The following TEKT1 variants were observed in gnomAD, a reference collection of about 807,000 sequenced individuals.
TEKT1 encodes the protein tektin 1.
A neutral mutation model predicts 34.8 loss-of-function variants in TEKT1; 32 were observed. The observed-to-expected ratio is 0.92, with a 90% CI of 0.69 to 1.23. The LOEUF is 1.23. TEKT1 is among the 50% of genes most tolerant of loss of function. The pLI, the probability that TEKT1 is intolerant of heterozygous loss-of-function variation, is 0.00. For synonymous variants in TEKT1, 207 were observed against 199.8 expected, an observed-to-expected ratio of 1.04 and a Z score of -0.30; for missense variants, 492 against 518.5, an observed-to-expected ratio of 0.95 and a Z score of 0.50.
intron 6 of TEKT1, among the ~76,000 whole-genome samples, chr17:6,802,650 A>G (rs1258616067): frequency 2.8e-5 from 3 of 108,032 alleles, no homozygotes; most frequent in East Asian, 3.2e-4. Flanking sequence ...ACCCCACAAC[A>G]GGCCCTGGTG....
chr17:6,826,678 G>C (rs1049211616), intron 2 of TEKT1, among the ~76,000 whole-genome samples: 9 of 150,846 alleles, frequency 6.0e-5, no homozygotes, highest in Admixed American at 4.6e-4. Flanking sequence ...ATAATACGAG[G>C]TAGGGGTTGG....
chr17:6,813,341 G>C (rs62061685), intron 5 of TEKT1, among the ~76,000 whole-genome samples: 4,081 of 135,732 alleles, frequency 0.03, 169 homozygotes, highest in African/African-American at 0.095. Context: ...ACTGAGCTCA[G>C]AAAAATGAAG....
At chr17:6,813,105 G>T (rs1976951950) in intron 5 of TEKT1, 52 bp from the exon 6 acceptor site, 2 of 1,517,648 alleles carry the variant, frequency 1.3e-6, no homozygotes, top group Non-Finnish European at 1.8e-6. Context: ...TGGGGAAGGG[G>T]GTTGGGAGAG....
At chr17:6,808,865 G>A (rs1356784730) in intron 6 of TEKT1, among the ~76,000 whole-genome samples, 1 of 152,060 alleles carries the variant, frequency 6.6e-6, no homozygotes, top group Non-Finnish European at 1.5e-5. Flanking sequence ...TACATAGATA[G>A]CAATACACTT....
chr17:6,812,747 G>A (rs1298468662), intron 6 of TEKT1, 84 bp downstream of exon 6: 30 of 1,322,204 alleles, frequency 2.3e-5, no homozygotes, highest in Middle Eastern at 2.6e-4. Context: ...GAAGTCTAGC[G>A]GTCTGGCCCA....
At chr17:6,820,976 A>G (rs1337164287) in intron 2 of TEKT1, among the ~76,000 whole-genome samples, 7 of 151,940 alleles carry the variant, frequency 4.6e-5, no homozygotes, top group Non-Finnish European at 8.8e-5. Context: ...ACTCTTTTTT[A>G]TTTGGAATTG....
intron 5 of TEKT1, among the ~76,000 whole-genome samples, chr17:6,813,946 T>TTCTC (rs71157224): frequency 0.11 from 16,181 of 145,814 alleles, 1,031 homozygotes; most frequent in Non-Finnish European, 0.15. Context: ...CTGTCATCCG[T>TTCTC]TCTCTCTCTC....
At chr17:6,813,102 G>A (rs1485703135) in intron 5 of TEKT1, 49 bp from the exon 6 acceptor site, 2 of 1,539,596 alleles carry the variant, frequency 1.3e-6, no homozygotes, top group East Asian at 2.3e-5. Flanking sequence ...GGGTGGGGAA[G>A]GGGGTTGGGA....
Position 6,812,908 on chromosome 17 carries a change from C to A in TEKT1, c.775G>T (p.Val259Leu). Reference protein sequence around the residue: ...TANDLRKQCDVVDTAFKNGLK... With the variant: ...TANDLRKQCDLVDTAFKNGLK... ...CCATTCTTGAATGCCGTGTCCACCA[C>A]ATCACACTGCTTGCGCAGATCATTG... The change falls in exon 6 of 8, where the codon GTG (valine) becomes TTG (leucine). Residue 259 changes from valine to leucine, a missense_variant. Val to Leu is a conservative substitution (Grantham distance 32). Coordinates refer to ENST00000338694, the MANE Select transcript of TEKT1 (RefSeq NM_053285.2). 16 of 1,614,220 alleles carry A rather than the reference C, an allele frequency of 9.9e-6. No individual in the cohort carries two copies. Among genetic ancestry groups the A allele is most frequent in the Non-Finnish European group, 1.4e-5 (16 of 1,180,042 alleles).
rs181118407 is a variant in TEKT1, at chr17:6,824,244, T to C, written c.191-4886A>G. On this transcript the variant is annotated intron_variant, in intron 2 of 7. Coordinates refer to ENST00000338694, the MANE Select transcript of TEKT1 (RefSeq NM_053285.2). Reference sequence around the variant, plus strand: ...CATGTGCCCTTTTCTTCTCTTTTGATACATTCTTTGGGTAGTCTAATCTAC... The same window carrying C: ...CATGTGCCCTTTTCTTCTCTTTTGACACATTCTTTGGGTAGTCTAATCTAC... Among the ~76,000 whole-genome samples the C allele has an allele frequency of 1.9e-3, 287 of 152,296 alleles. 1 individual carries two copies. Among genetic ancestry groups the C allele is most frequent in the African/African-American group, 6.4e-3 (264 of 41,556 alleles).
chr17:6,799,224 A>G lies in TEKT1; in HGVS notation c.*803T>C, dbSNP rs963766279. ...AAACAGTCTTGCTGAAAACTTGTAA[A>G]GAGGTACGTAACCATTAAAATAATT... On this transcript the variant is annotated 3_prime_UTR_variant, in exon 8 of 8. Coordinates refer to ENST00000338694, the MANE Select transcript of TEKT1 (RefSeq NM_053285.2). 2.6e-5 allele frequency: 4 copies of G among 152,262 alleles called. No homozygotes were observed. Among genetic ancestry groups the G allele is most frequent in the Admixed American group, 6.5e-5 (1 of 15,286 alleles). 9.4% of individuals were successfully genotyped at this position (152,262 alleles called of 1,614,324 possible).
chr17:6,820,576 A>G (rs1441815615), intron 2 of TEKT1, among the ~76,000 whole-genome samples: 2 of 152,094 alleles, frequency 1.3e-5, no homozygotes, highest in South Asian at 2.1e-4. Flanking sequence ...GTTTCTTTAT[A>G]TTATTAATTT....
chr17:6,823,447 C>T (rs1904318996), intron 2 of TEKT1, among the ~76,000 whole-genome samples: 1 of 152,172 alleles, frequency 6.6e-6, no homozygotes, highest in African/African-American at 2.4e-5. Context: ...TATGTGTGCA[C>T]ACGCATGTGC....
At position 6,827,048 on chromosome 17, in the gene TEKT1, TC is replaced by T. The variant is rs529813158; in HGVS notation, c.190+3138del. On this transcript the variant is annotated intron_variant, in intron 2 of 7. Coordinates refer to ENST00000338694, the MANE Select transcript of TEKT1 (RefSeq NM_053285.2). ...ATTGGGCAATTCATTGAAAAGGCTT[TC>T]TTTTGCCCATTACACTGTAGTGTTG... Among the ~76,000 whole-genome samples, 297 of 152,294 alleles carry T rather than the reference TC, an allele frequency of 2.0e-3. 1 individual carries two copies. Among genetic ancestry groups the T allele is most frequent in the African/African-American group, 6.8e-3 (282 of 41,566 alleles).
At position 6,800,201 on chromosome 17, in the gene TEKT1, C is replaced by G; in HGVS notation, c.1083G>C (p.Glu361Asp). ...GCTGTCTGCGATGCAGCCCTTTCAGCTCTGCCTGAGCTTGGGCTAAAGTTT... is the reference window on the plus strand; with the variant it reads ...GCTGTCTGCGATGCAGCCCTTTCAGGTCTGCCTGAGCTTGGGCTAAAGTTT... ...LKETLAQAQA[E>D]LKGLHRRQLA... Residue 361 changes from glutamate (E) to aspartate (D), a missense_variant, in exon 8 of 8, where the codon GAG becomes GAC. Physicochemically the swap from Glu to Asp is conservative, Grantham distance 45. Transcript: ENST00000338694. 6.2e-7 allele frequency: 1 copy of G among 1,614,064 alleles called. No homozygotes were observed. The highest frequency in any genetic ancestry group is 1.6e-4 in the Middle Eastern group (1 of 6,062).
Position 6,812,944 on chromosome 17 carries a change from A to G in TEKT1, c.739T>C (p.Ser247Pro). 1 of 1,614,198 alleles carries G rather than the reference A, an allele frequency of 6.2e-7. No individual in the cohort carries two copies. Among genetic ancestry groups the G allele is most frequent in the Non-Finnish European group, 8.5e-7 (1 of 1,180,020 alleles). Residue 247 changes from serine to proline, a missense_variant, in exon 6 of 8, where the codon TCC becomes CCC. Physicochemically the swap from Ser to Pro is moderately conservative, Grantham distance 74. Coordinates refer to ENST00000338694, the MANE Select transcript of TEKT1 (RefSeq NM_053285.2). ...TTGCGCAGATCATTGGCTGTCTGGG[A>G]CAGGATTCGATCCACCAGGGCTTTC... ...MLKALVDRIL[S>P]QTANDLRKQC...
intron 6 of TEKT1, among the ~76,000 whole-genome samples, chr17:6,809,621 G>A (rs553325979): frequency 1.7e-4 from 26 of 152,120 alleles, no homozygotes; most frequent in African/African-American, 6.0e-4. Context: ...AACACCCCTG[G>A]GCTGCTTCCA....
intron 2 of TEKT1, 61 bp downstream of exon 2, chr17:6,830,126 T>G: frequency 1.3e-6 from 2 of 1,491,156 alleles, no homozygotes; most frequent in Non-Finnish European, 1.8e-6. Context: ...CATGACACTA[T>G]AGCTAAACTC....
At chr17:6,826,984 G>C (rs749679559) in intron 2 of TEKT1, among the ~76,000 whole-genome samples, 12 of 152,034 alleles carry the variant, frequency 7.9e-5, no homozygotes, top group Non-Finnish European at 1.6e-4. Flanking sequence ...TGTAAGCCAC[G>C]GCGCCTGGCC....
Sources: allele counts gnomAD v4.1 joint callset (sites outside exome capture counted in the v4.1 genomes callset), GRCh38; gene constraint gnomAD v4.1.1; transcripts MANE v1.5; gene names NCBI Gene and HGNC (gene_info 2026-07-23, HGNC 2026-07-21).